TM2D3: variants seen among roughly 807,000 people sequenced by gnomAD.
TM2D3 encodes TM2 domain-containing protein 3.
In TM2D3, 33 loss-of-function variants were observed where a neutral mutation model predicts 27.3. The observed-to-expected ratio is 1.21, with a 90% CI of 0.92 to 1.61. The LOEUF (loss-of-function observed/expected upper bound fraction) is 1.61, where lower values mean the gene tolerates loss of function less well. TM2D3 is among the 40% of genes most tolerant of loss of function. The pLI is 0.00. For missense variants in TM2D3, 364 were observed against 320.8 expected (o/e 1.13, Z -1.03); for synonymous variants, 138 against 122.2 (o/e 1.13, Z -0.85).
At chr15:101,645,245 T>C (rs975536729) in intron 4 of TM2D3, 83 bp from the exon 5 acceptor site, 3 of 1,199,662 alleles carry the variant, frequency 2.5e-6, no homozygotes, top group African/African-American at 1.6e-5. Flanking sequence ...GGCTCAAAAT[T>C]TAAAATGTGA....
chr15:101,648,054 C>G (rs574543755), intron 3 of TM2D3, among the ~76,000 whole-genome samples: 1 of 152,084 alleles, frequency 6.6e-6, no homozygotes, highest in African/African-American at 2.4e-5. Flanking sequence ...CACCCCACCA[C>G]GCCCAGCTAA....
intron 2 of TM2D3, chr15:101,650,981 C>T (rs1458130626): frequency 6.6e-6 from 1 of 152,248 alleles, no homozygotes; most frequent in Non-Finnish European, 1.5e-5. Flanking sequence ...ATATCTCTGC[C>T]AGTTTCAATT....
rs1404339266 is a variant in TM2D3 at position 101,642,145 on chromosome 15, A to G, written c.*334T>C. 9.9e-7 allele frequency: 1 copy of G among 1,006,786 alleles called. No homozygotes were observed. The highest frequency in any genetic ancestry group is 1.7e-5 in the African/African-American group (1 of 58,108). 62.4% of individuals were successfully genotyped at this position (1,006,786 alleles called of 1,614,324 possible). A position where few individuals can be genotyped will look rare whatever the true frequency, so the allele number is the denominator to read the frequency against. ...GCTGAAAGACTTTTCAAGGCAGACTACATTTGGGCTGGAGATACAAGTGAT... is the reference window on the plus strand; with the variant it reads ...GCTGAAAGACTTTTCAAGGCAGACTGCATTTGGGCTGGAGATACAAGTGAT... On this transcript the variant is annotated 3_prime_UTR_variant, in exon 6 of 6. Coordinates refer to ENST00000333202, the MANE Select transcript of TM2D3 (RefSeq NM_078474.3).
chr15:101,651,650 C>G, intron 2 of TM2D3, 46 bp downstream of exon 2: 3 of 1,544,828 alleles, frequency 1.9e-6, no homozygotes, highest in Non-Finnish European at 2.7e-6. Flanking sequence ...AGAGAAACTA[C>G]TAGAGATAAC....
intron 5 of TM2D3, among the ~76,000 whole-genome samples, chr15:101,643,654 G>A (rs1170563831): frequency 7.0e-6 from 1 of 142,986 alleles, no homozygotes; most frequent in Non-Finnish European, 1.5e-5. Flanking sequence ...GTTGAGTGCT[G>A]AGAAGTTTTA....
rs1165567926 is a variant in TM2D3, at chr15:101,646,752, T to C, written c.475A>G (p.Thr159Ala). 1 of 1,614,106 alleles carries C rather than the reference T, an allele frequency of 6.2e-7. No individual in the cohort carries two copies. The highest frequency in any genetic ancestry group is 2.2e-5 in the East Asian group (1 of 44,904). The change falls in exon 4 of 6, where the codon ACG becomes GCG. Residue 159 changes from threonine to alanine, a missense_variant. Transcript: ENST00000333202. ...AAGCAGTGGACGTGGTCCCGCACCG[T>C]GCAGTTGGCAGGGTAGCGCTGCCGA... Reference protein sequence around the residue: ...CPRQRYPANCTVRDHVHCLGN... With the variant: ...CPRQRYPANCAVRDHVHCLGN...
At chr15:101,651,631 TA>T in intron 2 of TM2D3, 64 bp downstream of exon 2, 1 of 1,489,936 alleles carries the variant, frequency 6.7e-7, no homozygotes, top group Non-Finnish European at 9.2e-7. Flanking sequence ...GGAATTTTTA[TA>T]AAAACAAAGA....
Position 101,650,015 on chromosome 15 carries a change from C to G in TM2D3, c.316G>C (p.Val106Leu), listed in dbSNP as rs1196901294. 2 of 1,613,806 alleles carry G rather than the reference C, an allele frequency of 1.2e-6. No homozygotes were observed. Among genetic ancestry groups the G allele is most frequent in the African/African-American group, 1.3e-5 (1 of 75,030 alleles). The stretch of plus-strand genomic sequence containing the variant: ...GCTGCAGTACTTACAACACAGGTAA[C>G]AGATGGTTTCACTGCACAGTCAAAA... ...VTFDCAVKPS[V>L]TCVDQDFKSQ... is the part of the protein sequence containing the mutation. The change falls in exon 3 of 6, where the codon GTT becomes CTT. Residue 106 changes from valine (V) to leucine (L), a missense_variant. Coordinates refer to ENST00000333202, the MANE Select transcript of TM2D3 (RefSeq NM_078474.3).
intron 1 of TM2D3, 72 bp downstream of exon 1, chr15:101,652,199 G>A (rs769230885): frequency 7.9e-6 from 11 of 1,384,438 alleles, no homozygotes; most frequent in Non-Finnish European, 1.0e-5. Flanking sequence ...CCGTGGGCCC[G>A]GCCTCCTCGC....
At chr15:101,636,913 A>G (rs1271775437), downstream of TM2D3, 1 of 443,136 alleles carries the variant, frequency 2.3e-6, no homozygotes, top group Non-Finnish European at 4.5e-6. Flanking sequence ...GTGTGGTCAC[A>G]GTGTCGATGA....
intron 1 of TM2D3, 33 bp from the exon 2 acceptor site, chr15:101,651,806 C>T (rs751539646): frequency 1.2e-6 from 2 of 1,609,664 alleles, no homozygotes; most frequent in East Asian, 2.2e-5. Context: ...TAGAGAAACA[C>T]GTTATCCCGG....
At chr15:101,645,393 C>G in intron 4 of TM2D3, 1 of 541,696 alleles carries the variant, frequency 1.8e-6, no homozygotes, top group South Asian at 2.2e-5. Context: ...ACCCACATAT[C>G]AAGACCTACG....
intron 3 of TM2D3, 32 bp downstream of exon 3, chr15:101,649,972 T>C: frequency 1.3e-6 from 2 of 1,593,270 alleles, no homozygotes; most frequent in Non-Finnish European, 1.7e-6. Context: ...TTACAATGAA[T>C]TTATTTAGAA....
chr15:101,646,998 G>A, intron 3 of TM2D3, 99 bp from the exon 4 acceptor site: 2 of 1,347,444 alleles, frequency 1.5e-6, no homozygotes, highest in Non-Finnish European at 2.1e-6. Context: ...TTCCGTAAAT[G>A]CTTGTATTTA....
At chr15:101,636,918 C>T (rs1250483294), downstream of TM2D3, 5 of 441,852 alleles carry the variant, frequency 1.1e-5, no homozygotes, top group East Asian at 2.2e-4. Flanking sequence ...GTCACAGTGT[C>T]GATGAAGAGT....
rs1037697427 is a variant in TM2D3 at position 101,642,216 on chromosome 15, T to C, written c.*263A>G. ...CAAAACAAAAGTCATAGGAATTAAA[T>C]GGATTTTCAATCACTGTATAATTCA... On this transcript the variant is annotated 3_prime_UTR_variant, in exon 6 of 6. Transcript: ENST00000333202. 7.1e-6 allele frequency: 8 copies of C among 1,132,534 alleles called. No homozygotes were observed. The highest frequency in any genetic ancestry group is 8.6e-6 in the Non-Finnish European group (8 of 925,392). The allele number at this position is 1,132,534 out of a possible 1,614,324, so 70.2% of individuals were successfully genotyped here. A position where few individuals can be genotyped will look rare whatever the true frequency, so the allele number is the denominator to read the frequency against.
In TM2D3 at chr15:101,642,343, C is replaced by A. The variant is rs937429497; in HGVS notation, c.*136G>T. On this transcript the variant is annotated 3_prime_UTR_variant, in exon 6 of 6. Transcript: ENST00000333202. The stretch of plus-strand genomic sequence containing the variant: ...TAGCATAGTTCAGCGTTTCATTTAT[C>A]TTACCTTTATCAAGGCAAACAAAGT... The A allele has an allele frequency of 1.7e-5, 23 of 1,346,434 alleles. No individual in the cohort carries two copies. The highest frequency in any genetic ancestry group is 6.0e-5 in the Admixed American group (2 of 33,532). The allele number at this position is 1,346,434 out of a possible 1,614,324, so 83.4% of individuals were successfully genotyped here.
exon 5 of TM2D3, chr15:101,633,641 C>T (rs1037357580): frequency 6.6e-7 from 1 of 1,516,970 alleles, no homozygotes; most frequent in Non-Finnish European, 8.8e-7. Flanking sequence ...CTCTTCTTCT[C>T]ACGCTCCTCA....
At chr15:101,633,967 CTT>C in intron 4 of TM2D3, 1 of 385,644 alleles carries the variant, frequency 2.6e-6, no homozygotes, top group Non-Finnish European at 4.6e-6. Context: ...TACTAACACT[CTT>C]AATACAAATA....
Sources: gnomAD v4.1 joint callset for allele counts (sites outside exome capture counted in the v4.1 genomes callset) on GRCh38, gnomAD v4.1.1 for gene constraint, MANE v1.5 for transcripts, NCBI Gene and HGNC (gene_info 2026-07-23, HGNC 2026-07-21) for gene names.